XRCC4: variants seen among roughly 807,000 people sequenced by gnomAD.
XRCC4 encodes DNA repair protein XRCC4.
Under a neutral mutation model 39.1 loss-of-function variants are expected in XRCC4, and 28 were observed. The observed-to-expected ratio is 0.72, with a 90% CI of 0.53 to 0.98. The LOEUF (loss-of-function observed/expected upper bound fraction) is 0.98. Among genes scored for constraint, XRCC4 ranks in the 50% least tolerant of loss-of-function variants. The probability of loss-of-function intolerance (pLI) is 0.00; values close to 1 mark genes in which losing one functional copy is unlikely to be tolerated. For missense variants in XRCC4, 350 were observed against 376.4 expected, an observed-to-expected ratio of 0.93 and a Z score of 0.58; for synonymous variants, 123 against 126.4, an observed-to-expected ratio of 0.97 and a Z score of 0.18.
At chr5:83,079,630 G>A (rs1297439854) in intron 1 of XRCC4, among the ~76,000 whole-genome samples, 4 of 152,208 alleles carry the variant, frequency 2.6e-5, no homozygotes, top group Admixed American at 6.5e-5. Flanking sequence ...CAGGGCAGAA[G>A]CGATCTATCC....
intron 3 of XRCC4, among the ~76,000 whole-genome samples, chr5:83,193,679 G>A (rs2112693622): frequency 6.6e-6 from 1 of 152,216 alleles, no homozygotes; most frequent in African/African-American, 2.4e-5. Flanking sequence ...AGTGTGGGAT[G>A]AATTCTTTAT....
chr5:83,146,607 C>G (rs1420635778), intron 3 of XRCC4, among the ~76,000 whole-genome samples: 1 of 152,100 alleles, frequency 6.6e-6, no homozygotes, highest in East Asian at 1.9e-4. Context: ...AGAGCAGGGA[C>G]AGGAGCTCTC....
At chr5:83,266,422 T>C (rs887370942) in intron 7 of XRCC4, among the ~76,000 whole-genome samples, 1 of 151,300 alleles carries the variant, frequency 6.6e-6, no homozygotes, top group Non-Finnish European at 1.5e-5. Flanking sequence ...TCATGTTATC[T>C]GAAAAGTATA....
chr5:83,295,499 G>A (rs77809635), intron 7 of XRCC4, among the ~76,000 whole-genome samples: 2,198 of 152,154 alleles, frequency 0.014, 63 homozygotes, highest in African/African-American at 0.051. Flanking sequence ...CAAACAGGGA[G>A]TTGAGATGGA....
At chr5:83,194,475 T>A (rs1750855605) in intron 3 of XRCC4, among the ~76,000 whole-genome samples, 1 of 152,222 alleles carries the variant, frequency 6.6e-6, no homozygotes, top group Non-Finnish European at 1.5e-5. Flanking sequence ...TGAAGTCTGC[T>A]TTTATTTGTA....
intron 3 of XRCC4, among the ~76,000 whole-genome samples, chr5:83,138,810 C>T (rs1007622154): frequency 1.3e-5 from 2 of 151,928 alleles, no homozygotes; most frequent in African/African-American, 4.8e-5. Flanking sequence ...GGGAATTGCT[C>T]GTAGTGACTA....
intron 3 of XRCC4, among the ~76,000 whole-genome samples, chr5:83,185,251 G>C (rs6872192): frequency 1.3e-4 from 20 of 151,666 alleles, no homozygotes; most frequent in Non-Finnish European, 2.5e-4. Flanking sequence ...GAAAAAACAT[G>C]ATGGTCCTAA....
At chr5:83,156,418 T>C (rs919026069) in intron 3 of XRCC4, among the ~76,000 whole-genome samples, 6 of 151,968 alleles carry the variant, frequency 3.9e-5, no homozygotes, top group Admixed American at 1.3e-4. Flanking sequence ...TTTTGAAGCC[T>C]ATAATGAGGG....
chr5:83,223,510 T>A (rs1752167642), intron 6 of XRCC4, among the ~76,000 whole-genome samples: 1 of 152,062 alleles, frequency 6.6e-6, no homozygotes, highest in Non-Finnish European at 1.5e-5. Flanking sequence ...TTGTTTTACC[T>A]AAAGTTTATT....
chr5:83,190,128 A>G (rs1750630011), intron 3 of XRCC4, among the ~76,000 whole-genome samples: 1 of 152,194 alleles, frequency 6.6e-6, no homozygotes, highest in African/African-American at 2.4e-5. Flanking sequence ...AGTTCAGGAT[A>G]TAAAGACTTA....
intron 3 of XRCC4, among the ~76,000 whole-genome samples, chr5:83,170,800 A>G (rs983622954): frequency 6.6e-6 from 1 of 152,072 alleles, no homozygotes; most frequent in Admixed American, 6.6e-5. Flanking sequence ...TCTCAAATCC[A>G]CAATTCTCAC....
chr5:83,127,359 A>G (rs1326751006), intron 3 of XRCC4, among the ~76,000 whole-genome samples: 1 of 152,090 alleles, frequency 6.6e-6, no homozygotes. Flanking sequence ...TAATTGAATT[A>G]TGGGGGCAGT....
At chr5:83,366,412 A>T in the XRCC4 span, among the ~76,000 whole-genome samples, 2 of 152,062 alleles carry the variant, frequency 1.3e-5, no homozygotes, top group African/African-American at 2.4e-5. Context: ...CCAGAATTAA[A>T]TTTTTTTTCT....
intron 6 of XRCC4, among the ~76,000 whole-genome samples, chr5:83,218,062 T>TTATATATATATATATATA (rs560667796): frequency 4.3e-4 from 64 of 147,600 alleles, no homozygotes; most frequent in South Asian, 1.5e-3. Context: ...TTTACCTTTT[T>TTATATATATATATATATA]TATATATATA....
intron 3 of XRCC4, among the ~76,000 whole-genome samples, chr5:83,131,197 A>G (rs28745328): frequency 3.9e-5 from 6 of 152,170 alleles, no homozygotes; most frequent in Non-Finnish European, 5.9e-5. Flanking sequence ...TTCAAAGAAC[A>G]TCTTTATTTC....
chr5:83,111,716 T>C (rs951162954), intron 3 of XRCC4, among the ~76,000 whole-genome samples: 2 of 152,142 alleles, frequency 1.3e-5, no homozygotes, highest in African/African-American at 4.8e-5. Flanking sequence ...ACTTGAAGCC[T>C]AAGCTTTGCA....
At position 83,353,234 on chromosome 5, in the gene XRCC4, G is replaced by A. The variant is rs377341608; in HGVS notation, c.997G>A (p.Glu333Lys). The A allele has an allele frequency of 1.1e-5, 17 of 1,603,276 alleles. No individual in the cohort carries two copies. The highest frequency in any genetic ancestry group is 1.4e-5 in the Non-Finnish European group (17 of 1,174,830). ...RNSSPEDLFD[E>K]I Reference sequence around the variant, plus strand: ...CAGCAGCCCAGAAGACCTCTTTGATGAGATTTAACAGTCTCAAAAAATACT... The same window carrying A: ...CAGCAGCCCAGAAGACCTCTTTGATAAGATTTAACAGTCTCAAAAAATACT... The change falls in exon 8 of 8, where the codon GAG (glutamate) becomes AAG (lysine). Residue 333 changes from glutamate (E) to lysine (K), a missense_variant. Coordinates refer to ENST00000396027, the MANE Select transcript of XRCC4 (RefSeq NM_003401.5).
chr5:83,180,031 T>C (rs1397648526), intron 3 of XRCC4, among the ~76,000 whole-genome samples: 1 of 152,140 alleles, frequency 6.6e-6, no homozygotes, highest in Non-Finnish European at 1.5e-5. Context: ...TAAAGGGCCT[T>C]ACCAGGAAAA....
intron 6 of XRCC4, among the ~76,000 whole-genome samples, chr5:83,216,069 T>C (rs1412374591): frequency 6.6e-6 from 1 of 152,122 alleles, no homozygotes; most frequent in Non-Finnish European, 1.5e-5. Context: ...ACATATCTGA[T>C]AAGGGATTTG....
Sources: allele counts gnomAD v4.1 joint callset (sites outside exome capture counted in the v4.1 genomes callset), GRCh38; gene constraint gnomAD v4.1.1; transcripts MANE v1.5; gene names NCBI Gene and HGNC (gene_info 2026-07-23, HGNC 2026-07-21).